ETV3: variants seen among roughly 807,000 people sequenced by gnomAD.
ETV3 encodes the protein ETS translocation variant 3.
In ETV3, 8 loss-of-function variants were observed where a neutral mutation model predicts 33.0. The observed-to-expected ratio is 0.24, with a 90% confidence interval of 0.14 to 0.44. The LOEUF is 0.44. Among genes scored for constraint, ETV3 ranks in the 20% least tolerant of loss-of-function variants. ETV3 has a pLI of 1.00. For missense variants in ETV3, 473 were observed against 652.3 expected, an observed-to-expected ratio of 0.73 and a Z score of 2.99; for synonymous variants, 222 against 238.9, an observed-to-expected ratio of 0.93 and a Z score of 0.65.
At chr1:157,129,887 A>G (rs1674929400) in intron 4 of ETV3, among the ~76,000 whole-genome samples, 1 of 151,992 alleles carries the variant, frequency 6.6e-6, no homozygotes, top group Non-Finnish European at 1.5e-5. Context: ...GCTGTCGCCC[A>G]GGCTGGAGTG....
chr1:157,125,721 A>G lies in ETV3; in HGVS notation c.659T>C (p.Ile220Thr), dbSNP rs539187606. ...SSRNAIGGGG[I>T]GHQKRKPDIM... ...GTCAGGCTTGCGTTTCTGATGGCCA[A>G]TCCCTCCTCCACCAATGGCATTCCT... The change falls in exon 5 of 5, where the codon ATT (isoleucine) becomes ACT (threonine). Residue 220 changes from isoleucine (I) to threonine (T), a missense_variant. By Grantham distance (89) the Ile-to-Thr change is moderately conservative (BLOSUM62 -1). Coordinates refer to ENST00000368192, the MANE Select transcript of ETV3 (RefSeq NM_001145312.3). The surrounding 1 kb of genome is among the most constrained non-coding windows in gnomAD (Gnocchi z 4.0). The G allele has an allele frequency of 1.4e-5, 22 of 1,551,640 alleles. No homozygotes were observed. In the East Asian group the frequency reaches 2.7e-4, roughly 19 times the overall value.
In ETV3 at chr1:157,125,193, G is replaced by A. The variant is rs1165934044; in HGVS notation, c.1187C>T (p.Ser396Leu). 8.4e-6 allele frequency: 13 copies of A among 1,552,110 alleles called. No homozygotes were observed. The highest frequency in any genetic ancestry group is 2.4e-5 in the East Asian group (1 of 40,914). Residue 396 changes from serine (S) to leucine (L), a missense_variant, in exon 5 of 5, where the codon TCG becomes TTG. Physicochemically the swap from Ser to Leu is moderately radical, Grantham distance 145. This residue lies in a region of ETV3 where 410 missense variants were observed against 520.2 expected (regional missense o/e 0.79). Coordinates refer to ENST00000368192, the MANE Select transcript of ETV3 (RefSeq NM_001145312.3). The surrounding 1 kb of genome is among the most constrained non-coding windows in gnomAD (Gnocchi z 4.0). Reference sequence around the variant, plus strand: ...AGTGTGCTCCTCCTTCTCTCGTGCCGACTGCCTGAGGCTCTCAGGATCCTT... The same window carrying A: ...AGTGTGCTCCTCCTTCTCTCGTGCCAACTGCCTGAGGCTCTCAGGATCCTT... ...SEKDPESLRQSAREKEEHTQE... is the reference protein window; with the variant it reads ...SEKDPESLRQLAREKEEHTQE...
At chr1:157,129,685 A>G (rs1674925422) in intron 4 of ETV3, among the ~76,000 whole-genome samples, 1 of 152,214 alleles carries the variant, frequency 6.6e-6, no homozygotes, top group Non-Finnish European at 1.5e-5. Flanking sequence ...AGTGGCTACA[A>G]TTCTACCCTT....
rs192576271 is a variant in ETV3 at position 157,128,334 on chromosome 1, T to C, written c.401-2355A>G. 83 of 169,804 alleles carry C rather than the reference T, an allele frequency of 4.9e-4. 2 individuals are homozygous for C. Among genetic ancestry groups the C allele is most frequent in the Non-Finnish European group, 1.4e-4 (11 of 77,148 alleles). 10.5% of individuals were successfully genotyped at this position (169,804 alleles called of 1,614,324 possible). A position where few individuals can be genotyped will look rare whatever the true frequency, so the allele number is the denominator to read the frequency against. On this transcript the variant is annotated intron_variant, in intron 4 of 4. Coordinates refer to ENST00000368192, the MANE Select transcript of ETV3 (RefSeq NM_001145312.3). ...TGGCTTCCGAGCAGGAACCTTCATATTGCCAGTGATGAAAGAGAGAATTAA... is the reference window on the plus strand; with the variant it reads ...TGGCTTCCGAGCAGGAACCTTCATACTGCCAGTGATGAAAGAGAGAATTAA...
At chr1:157,129,039 T>G (rs1481484995) in intron 4 of ETV3, among the ~76,000 whole-genome samples, 1 of 152,220 alleles carries the variant, frequency 6.6e-6, no homozygotes, top group African/African-American at 2.4e-5. Flanking sequence ...ATTTAAATAC[T>G]GGGGAAAGTC....
Position 157,121,661 on chromosome 1 carries a change from A to C in ETV3, c.*3180T>G, listed in dbSNP as rs914219426. On this transcript the variant is annotated 3_prime_UTR_variant, in exon 5 of 5. Coordinates refer to ENST00000368192, the MANE Select transcript of ETV3 (RefSeq NM_001145312.3). ...TAAACAAAATAAAAATGTACGTTCCATTACTGTTTACAAAACAAAAAGCAC... is the reference window on the plus strand; with the variant it reads ...TAAACAAAATAAAAATGTACGTTCCCTTACTGTTTACAAAACAAAAAGCAC... 6.6e-6 allele frequency: 1 copy of C among 152,282 alleles called. No individual in the cohort carries two copies. The allele number at this position is 152,282 out of a possible 1,614,324, so 9.4% of individuals were successfully genotyped here.
At position 157,123,179 on chromosome 1, in the gene ETV3, A is replaced by G. The variant is rs1344542464; in HGVS notation, c.*1662T>C. 6.6e-6 allele frequency: 1 copy of G among 152,244 alleles called. No homozygotes were observed. The highest frequency in any genetic ancestry group is 1.9e-4 in the East Asian group (1 of 5,200). 9.4% of individuals were successfully genotyped at this position (152,244 alleles called of 1,614,324 possible). The stretch of plus-strand genomic sequence containing the variant: ...TGTGCCACCCTTCCTCTCATCGGAT[A>G]TGGAGTGATTTCTTCTCTCGCTGCT... On this transcript the variant is annotated 3_prime_UTR_variant, in exon 5 of 5. Coordinates refer to ENST00000368192, the MANE Select transcript of ETV3 (RefSeq NM_001145312.3).
At chr1:157,134,060 A>C (rs778189711) in intron 4 of ETV3, 52 bp downstream of exon 4, 1 of 1,589,614 alleles carries the variant, frequency 6.3e-7, no homozygotes, top group East Asian at 2.2e-5. Context: ...GGATTTTTAA[A>C]AATTCTTTTC....
intron 4 of ETV3, among the ~76,000 whole-genome samples, chr1:157,129,172 CA>C (rs889520518): frequency 4.6e-5 from 7 of 152,138 alleles, no homozygotes; most frequent in Non-Finnish European, 8.8e-5. Flanking sequence ...CAATAATAGC[CA>C]ATTTAATTAG....
chr1:157,133,411 A>G (rs1412015425), intron 4 of ETV3: 7 of 985,420 alleles, frequency 7.1e-6, no homozygotes, highest in South Asian at 9.4e-5. Flanking sequence ...TATGATTTGC[A>G]TAAGGAAAAA....
intron 4 of ETV3, among the ~76,000 whole-genome samples, chr1:157,126,366 C>A (rs1362989730): frequency 6.6e-6 from 1 of 152,148 alleles, no homozygotes; most frequent in African/African-American, 2.4e-5. Context: ...GGTACAAGAG[C>A]CTTCTCCTCT....
At chr1:157,137,588 G>A (rs934372353) in intron 1 of ETV3, among the ~76,000 whole-genome samples, 1 of 150,460 alleles carries the variant, frequency 6.6e-6, no homozygotes, top group Non-Finnish European at 1.5e-5. Context: ...CGGGGCTGAG[G>A]CAGGAGCTTC....
rs1055324656 is a variant in ETV3 at position 157,123,686 on chromosome 1, G to C, written c.*1155C>G. ...TACCCATCCCAACAATATCAAGAGGGAATGACTAAGTATCAGCTAGAAACT... is the reference window on the plus strand; with the variant it reads ...TACCCATCCCAACAATATCAAGAGGCAATGACTAAGTATCAGCTAGAAACT... On this transcript the variant is annotated 3_prime_UTR_variant, in exon 5 of 5. Coordinates refer to ENST00000368192, the MANE Select transcript of ETV3 (RefSeq NM_001145312.3). 2.0e-5 allele frequency: 3 copies of C among 152,172 alleles called. No individual in the cohort carries two copies. The highest frequency in any genetic ancestry group is 7.2e-5 in the African/African-American group (3 of 41,406). 9.4% of individuals were successfully genotyped at this position (152,172 alleles called of 1,614,324 possible).
At chr1:157,128,077 A>G (rs1674883278) in intron 4 of ETV3, among the ~76,000 whole-genome samples, 1 of 152,196 alleles carries the variant, frequency 6.6e-6, no homozygotes, top group Non-Finnish European at 1.5e-5. Context: ...GTGGAAACAA[A>G]AAAGGTACAC....
At chr1:157,131,859 G>T (rs941064091) in intron 4 of ETV3, among the ~76,000 whole-genome samples, 1 of 152,216 alleles carries the variant, frequency 6.6e-6, no homozygotes, top group Non-Finnish European at 1.5e-5. Flanking sequence ...CTGGTCAAAA[G>T]TTCTTTAAAA....
rs1213838404 is a variant in ETV3, at chr1:157,133,113, C to A, written c.400+999G>T. On this transcript the variant is annotated intron_variant, in intron 4 of 4. Transcript: ENST00000368192. ...CACTGTTTTAGTTACCCACAAAGGT[C>A]TGAAAATAGGTCTGTACAGTACACA... is the stretch of plus-strand genomic sequence containing the variant. The A allele has an allele frequency of 2.0e-5, 3 of 152,460 alleles. 1 individual carries two copies. The highest frequency in any genetic ancestry group is 7.2e-5 in the African/African-American group (3 of 41,442). The allele number at this position is 152,460 out of a possible 1,614,324, so 9.4% of individuals were successfully genotyped here.
chr1:157,121,401 G>T lies in ETV3; in HGVS notation c.*3440C>A, dbSNP rs1181779863. On this transcript the variant is annotated 3_prime_UTR_variant, in exon 5 of 5. Coordinates refer to ENST00000368192, the MANE Select transcript of ETV3 (RefSeq NM_001145312.3). Reference sequence around the variant, plus strand: ...GAACATCTAAAAGGCACTGCACAATGGAGTTAAGATTACTTACATTTTATG... The same window carrying T: ...GAACATCTAAAAGGCACTGCACAATTGAGTTAAGATTACTTACATTTTATG... 6.6e-6 allele frequency: 1 copy of T among 151,960 alleles called. No homozygotes were observed. Among genetic ancestry groups the T allele is most frequent in the African/African-American group, 2.4e-5 (1 of 41,386 alleles). 9.4% of individuals were successfully genotyped at this position (151,960 alleles called of 1,614,324 possible). A position where few individuals can be genotyped will look rare whatever the true frequency, so the allele number is the denominator to read the frequency against.
At chr1:157,129,354 A>G (rs1157328930) in intron 4 of ETV3, among the ~76,000 whole-genome samples, 2 of 152,260 alleles carry the variant, frequency 1.3e-5, no homozygotes, top group Non-Finnish European at 2.9e-5. Context: ...TTTACCATCT[A>G]ATTCAGACTA....
chr1:157,136,249 G>A (rs1029826002), intron 2 of ETV3, 58 bp downstream of exon 2: 2 of 1,517,578 alleles, frequency 1.3e-6, no homozygotes, highest in African/African-American at 2.7e-5. Context: ...AAGTGGAGAG[G>A]ACAGGAACCA....
Sources: gnomAD v4.1 joint callset for allele counts (sites outside exome capture counted in the v4.1 genomes callset) on GRCh38, gnomAD v4.1.1 for gene constraint, gnomAD v4.1.1 regional missense constraint, Gnocchi (gnomAD v3.1) non-coding constraint, MANE v1.5 for transcripts, NCBI Gene and HGNC (gene_info 2026-07-23, HGNC 2026-07-21) for gene names.